FSTL4: variants seen among roughly 807,000 people sequenced by gnomAD.
FSTL4 encodes the protein follistatin-related protein 4.
A neutral mutation model predicts 78.2 loss-of-function variants in FSTL4; 28 were observed. The observed-to-expected ratio is 0.36, with a 90% CI of 0.27 to 0.49. The LOEUF (loss-of-function observed/expected upper bound fraction) is 0.49, where lower values mean the gene tolerates loss of function less well. Ranked by LOEUF, FSTL4 falls within the 20% of genes least tolerant of loss-of-function variation. The probability of loss-of-function intolerance (pLI) is 0.98; values close to 1 mark genes in which losing one functional copy is unlikely to be tolerated. For synonymous variants in FSTL4, 422 were observed against 440.5 expected (o/e 0.96, Z 0.53); for missense variants, 922 against 1,084.9 (o/e 0.85, Z 2.11).
chr5:133,715,572 G>T, the FSTL4 span, among the ~76,000 whole-genome samples: 6 of 152,202 alleles, frequency 3.9e-5, no homozygotes, highest in Non-Finnish European at 8.8e-5. Context: ...AGACTTAGGG[G>T]AAAGAGGGCA....
chr5:133,742,775 G>A, the FSTL4 span, among the ~76,000 whole-genome samples: 1 of 152,276 alleles, frequency 6.6e-6, no homozygotes, highest in Admixed American at 6.5e-5. Flanking sequence ...CCTATGAACT[G>A]GAGACCCATG....
the FSTL4 span, among the ~76,000 whole-genome samples, chr5:133,633,593 A>G: frequency 6.6e-6 from 1 of 151,962 alleles, no homozygotes; most frequent in Non-Finnish European, 1.5e-5. Flanking sequence ...AATAATTCCA[A>G]CATCTCTGCC....
At chr5:133,331,480 A>C (rs548902046) in intron 4 of FSTL4, among the ~76,000 whole-genome samples, 1 of 152,280 alleles carries the variant, frequency 6.6e-6, no homozygotes, top group South Asian at 2.1e-4. Context: ...CACATTCCAC[A>C]TTCACCTGCG....
Position 133,303,867 on chromosome 5 carries a change from A to T in FSTL4, c.727+8787T>A, listed in dbSNP as rs528509025. Among the ~76,000 whole-genome samples, 4 of 152,288 alleles carry T rather than the reference A, an allele frequency of 2.6e-5. No individual in the cohort carries two copies. The South Asian group carries it at 8.3e-4, about 32-fold the overall frequency. Reference sequence around the variant, plus strand: ...TCAGTACACCTGGTTATCACTAGGTACCTCAGAGCTCACACCACCCACACT... The same window carrying T: ...TCAGTACACCTGGTTATCACTAGGTTCCTCAGAGCTCACACCACCCACACT... On this transcript the variant is annotated intron_variant, in intron 6 of 15. Transcript: ENST00000265342.
At chr5:133,692,807 T>C in the FSTL4 span, among the ~76,000 whole-genome samples, 7 of 152,162 alleles carry the variant, frequency 4.6e-5, no homozygotes, top group Non-Finnish European at 7.3e-5. Context: ...ATCCAATGAC[T>C]TCCTACTCAA....
chr5:133,309,705 T>C (rs1753732531), intron 6 of FSTL4, among the ~76,000 whole-genome samples: 1 of 152,122 alleles, frequency 6.6e-6, no homozygotes, highest in Non-Finnish European at 1.5e-5. Flanking sequence ...AACTGATAAA[T>C]ACAACTTCCT....
intron 3 of FSTL4, among the ~76,000 whole-genome samples, chr5:133,535,103 C>G (rs1340062595): frequency 6.6e-6 from 1 of 152,210 alleles, no homozygotes; most frequent in Non-Finnish European, 1.5e-5. Context: ...GCACAGAGAA[C>G]TCTCTCCCTC....
In FSTL4 at chr5:133,474,251, C is replaced by T. The variant is rs542057874; in HGVS notation, c.161-73265G>A. Among the ~76,000 whole-genome samples, 3 of 152,220 alleles carry T rather than the reference C, an allele frequency of 2.0e-5. No homozygotes were observed. In the East Asian group the frequency reaches 5.8e-4, roughly 29 times the overall value. On this transcript the variant is annotated intron_variant, in intron 3 of 15. Transcript: ENST00000265342. ...AATCCCTCCATGCCCCAGTTTTTGA[C>T]CCCTGCATCACCCTCTCTCATCACG...
At chr5:133,707,645 A>C in the FSTL4 span, among the ~76,000 whole-genome samples, 1 of 152,224 alleles carries the variant, frequency 6.6e-6, no homozygotes, top group East Asian at 1.9e-4. Flanking sequence ...GATGAAGTGA[A>C]TTGGCTTTGG....
intron 3 of FSTL4, among the ~76,000 whole-genome samples, chr5:133,508,941 T>C (rs952789644): frequency 1.3e-5 from 2 of 152,162 alleles, no homozygotes; most frequent in Non-Finnish European, 2.9e-5. Context: ...TACTCATATA[T>C]AAGGTAAGTG....
At chr5:133,713,879 C>G in the FSTL4 span, among the ~76,000 whole-genome samples, 3 of 152,144 alleles carry the variant, frequency 2.0e-5, no homozygotes, top group African/African-American at 7.2e-5. Context: ...TAGTGTTGGG[C>G]AATGCACAGC....
At chr5:133,678,033 T>C in the FSTL4 span, among the ~76,000 whole-genome samples, 2 of 152,254 alleles carry the variant, frequency 1.3e-5, no homozygotes, top group Non-Finnish European at 2.9e-5. Context: ...ATATGCATTA[T>C]ACCTCACAGA....
At chr5:133,473,890 CTATCA>C (rs1397158497) in intron 3 of FSTL4, among the ~76,000 whole-genome samples, 1 of 152,136 alleles carries the variant, frequency 6.6e-6, no homozygotes, top group African/African-American at 2.4e-5. Context: ...AACTCACTCA[CTATCA>C]TAAGAACAGC....
the FSTL4 span, among the ~76,000 whole-genome samples, chr5:133,646,489 G>A: frequency 3.3e-5 from 5 of 152,140 alleles, no homozygotes; most frequent in Admixed American, 3.3e-4. Context: ...AATGCCGTGA[G>A]CTAATTTAAG....
At chr5:133,345,024 A>G (rs1377874662) in intron 4 of FSTL4, among the ~76,000 whole-genome samples, 1 of 143,196 alleles carries the variant, frequency 7.0e-6, no homozygotes, top group African/African-American at 2.7e-5. Flanking sequence ...GCTGGAGTGC[A>G]GTGGAACGAT....
the FSTL4 span, among the ~76,000 whole-genome samples, chr5:133,630,064 G>T: frequency 6.6e-5 from 10 of 152,374 alleles, no homozygotes; most frequent in African/African-American, 2.4e-4. Flanking sequence ...AAAGCTGGAA[G>T]CATTCCCTTT....
At chr5:133,208,572 T>C (rs1750600481) in intron 14 of FSTL4, among the ~76,000 whole-genome samples, 1 of 152,256 alleles carries the variant, frequency 6.6e-6, no homozygotes, top group Non-Finnish European at 1.5e-5. Flanking sequence ...TTCTTCCCAC[T>C]TCACGGCTCA....
At chr5:133,566,639 T>G (rs1424525414) in intron 3 of FSTL4, among the ~76,000 whole-genome samples, 1 of 152,204 alleles carries the variant, frequency 6.6e-6, no homozygotes, top group Non-Finnish European at 1.5e-5. Flanking sequence ...CCATATATGT[T>G]TACCTCAGAG....
intron 12 of FSTL4, among the ~76,000 whole-genome samples, chr5:133,220,139 A>G (rs988975708): frequency 6.6e-6 from 1 of 152,264 alleles, no homozygotes; most frequent in Non-Finnish European, 1.5e-5. Flanking sequence ...TGTACAACTG[A>G]GGACACACTG....
Sources: gnomAD v4.1 joint callset for allele counts (sites outside exome capture counted in the v4.1 genomes callset) on GRCh38, gnomAD v4.1.1 for gene constraint, MANE v1.5 for transcripts, NCBI Gene and HGNC (gene_info 2026-07-23, HGNC 2026-07-21) for gene names.